The following MROH9 variants were observed in gnomAD, a reference collection of about 807,000 sequenced individuals.
MROH9 encodes maestro heat like repeat family member 9.
In MROH9, 92 loss-of-function variants were observed where a neutral mutation model predicts 98.2. The ratio of observed to expected loss-of-function variants is 0.94; its 90% CI spans 0.79 to 1.11. The LOEUF (loss-of-function observed/expected upper bound fraction) is 1.11, where lower values mean the gene tolerates loss of function less well. Ranked by LOEUF, MROH9 falls within the 50% of genes most tolerant of loss-of-function variation. MROH9 has a pLI of 0.00. For missense variants in MROH9, 1,057 were observed against 1,014.8 expected, an observed-to-expected ratio of 1.04 and a Z score of -0.57; for synonymous variants, 397 against 368.9, an observed-to-expected ratio of 1.08 and a Z score of -0.87.
At chr1:170,946,911 A>G (rs1205497952) in intron 2 of MROH9, among the ~76,000 whole-genome samples, 2 of 152,030 alleles carry the variant, frequency 1.3e-5, no homozygotes, top group African/African-American at 2.4e-5. Flanking sequence ...CTATGAAGTT[A>G]TAATTCAAAC....
chr1:170,978,300 C>T (rs1650794554), intron 8 of MROH9, among the ~76,000 whole-genome samples: 1 of 152,052 alleles, frequency 6.6e-6, no homozygotes, highest in Non-Finnish European at 1.5e-5. Context: ...CCCTCAGGCT[C>T]ATTTCTTCCC....
chr1:170,977,633 C>T (rs1650760366), intron 8 of MROH9, among the ~76,000 whole-genome samples: 2 of 152,122 alleles, frequency 1.3e-5, no homozygotes, highest in African/African-American at 2.4e-5. Context: ...CTTCTCAGTG[C>T]CCCGAAAGCA....
chr1:171,014,614 G>C (rs1257338762), intron 16 of MROH9, among the ~76,000 whole-genome samples: 1 of 152,060 alleles, frequency 6.6e-6, no homozygotes, highest in Non-Finnish European at 1.5e-5. Flanking sequence ...CAGAGCACTT[G>C]CTCAAGCTTT....
chr1:170,999,901 T>C (rs1288967145), intron 15 of MROH9, among the ~76,000 whole-genome samples: 2 of 152,164 alleles, frequency 1.3e-5, no homozygotes, highest in Non-Finnish European at 2.9e-5. Context: ...GGTATTGCAT[T>C]GTGGTTTTGA....
At chr1:171,052,463 GC>G (rs1337703828) in intron 20 of MROH9, among the ~76,000 whole-genome samples, 2 of 152,168 alleles carry the variant, frequency 1.3e-5, no homozygotes, top group Non-Finnish European at 2.9e-5. Context: ...GAAGGGAGAG[GC>G]AGCCTAAGCT....
chr1:171,015,148 C>T, intron 16 of MROH9: 1 of 441,952 alleles, frequency 2.3e-6, no homozygotes, highest in South Asian at 1.7e-5. Flanking sequence ...ATCTAATGAG[C>T]ATAGTCTCTG....
chr1:171,055,606 T>C (rs1571172874), intron 20 of MROH9, among the ~76,000 whole-genome samples: 1 of 124,400 alleles, frequency 8.0e-6, no homozygotes, highest in Non-Finnish European at 1.6e-5. Context: ...TGGGCAACAG[T>C]GTGAGACTTC....
rs184556644 is a variant in MROH9 at position 170,997,523 on chromosome 1, T to C, written c.1476-631T>C. On this transcript the variant is annotated intron_variant, in intron 14 of 21. Coordinates refer to ENST00000367759, the MANE Select transcript of MROH9 (RefSeq NM_001163629.2). The stretch of plus-strand genomic sequence containing the variant: ...TTTTAGCAATATCCCAAGGGTGATC[T>C]GTTTGCACGTTGCAGTTTGAGAAGC... Among the ~76,000 whole-genome samples, 160 of 152,288 alleles carry C rather than the reference T, an allele frequency of 1.1e-3. 1 individual carries two copies. The highest frequency in any genetic ancestry group is 3.7e-3 in the African/African-American group (152 of 41,560).
chr1:170,945,816 T>G (rs1649310308), intron 2 of MROH9, among the ~76,000 whole-genome samples: 1 of 151,982 alleles, frequency 6.6e-6, no homozygotes, highest in South Asian at 2.1e-4. Context: ...CTGATTACAA[T>G]GCAAAAAATT....
At chr1:170,947,012 G>A (rs1339099218) in intron 2 of MROH9, among the ~76,000 whole-genome samples, 2 of 151,856 alleles carry the variant, frequency 1.3e-5, no homozygotes, top group Non-Finnish European at 2.9e-5. Flanking sequence ...GGTAAATGAT[G>A]GTGGTAGTAA....
chr1:171,052,763 C>T (rs565864396), intron 20 of MROH9, among the ~76,000 whole-genome samples: 1 of 152,228 alleles, frequency 6.6e-6, no homozygotes, highest in East Asian at 1.9e-4. Context: ...AAAGAAAGTG[C>T]CACAGCACCA....
chr1:171,003,689 T>G (rs9426922), intron 15 of MROH9, among the ~76,000 whole-genome samples: 34,842 of 152,056 alleles, frequency 0.23, 4,642 homozygotes, highest in African/African-American at 0.37. Flanking sequence ...AGCTTTGGTG[T>G]TTTAATGCTC....
intron 20 of MROH9, among the ~76,000 whole-genome samples, chr1:171,042,866 C>A (rs1653351685): frequency 6.6e-6 from 1 of 151,998 alleles, no homozygotes; most frequent in Admixed American, 6.6e-5. Flanking sequence ...TGTTTGAACT[C>A]CTTATATATT....
chr1:171,031,372 A>G (rs546527952), intron 20 of MROH9, among the ~76,000 whole-genome samples: 2 of 152,286 alleles, frequency 1.3e-5, no homozygotes, highest in East Asian at 1.9e-4. Flanking sequence ...GTTTCTTCAT[A>G]GTGTCATTGG....
chr1:170,941,014 T>G (rs1336193646), intron 1 of MROH9, among the ~76,000 whole-genome samples: 1 of 152,186 alleles, frequency 6.6e-6, no homozygotes, highest in Non-Finnish European at 1.5e-5. Context: ...CAAATAACTC[T>G]GTAATAACCC....
chr1:170,938,353 T>G (rs2143383), intron 1 of MROH9, among the ~76,000 whole-genome samples: 28,962 of 152,158 alleles, frequency 0.19, 3,096 homozygotes, highest in East Asian at 0.4. Context: ...TTTCACCCCT[T>G]GATCCCTAGA....
At chr1:171,000,272 G>C (rs1474553487) in intron 15 of MROH9, among the ~76,000 whole-genome samples, 1 of 150,186 alleles carries the variant, frequency 6.7e-6, no homozygotes, top group East Asian at 1.9e-4. Flanking sequence ...CCAATGTCTA[G>C]AAGTTTTTTT....
At position 170,971,536 on chromosome 1, in the gene MROH9, C is replaced by A. The variant is rs1571462467; in HGVS notation, c.481-212C>A. Among the ~76,000 whole-genome samples the A allele has an allele frequency of 2.0e-5, 3 of 152,278 alleles. No individual in the cohort carries two copies. In the South Asian group the frequency reaches 6.2e-4, roughly 32 times the overall value. On this transcript the variant is annotated intron_variant, in intron 7 of 21. Coordinates refer to ENST00000367759, the MANE Select transcript of MROH9 (RefSeq NM_001163629.2). ...CATCAGTGTTACCCCTTACTCTCCA[C>A]AATAACTGTTACAAAGTGGAATTTA...
chr1:171,035,987 C>A (rs1449131241), intron 20 of MROH9, among the ~76,000 whole-genome samples: 2 of 152,094 alleles, frequency 1.3e-5, no homozygotes, highest in Non-Finnish European at 2.9e-5. Flanking sequence ...TAGTTATAAC[C>A]CAATCCTCCA....
Sources: gnomAD v4.1 joint callset for allele counts (sites outside exome capture counted in the v4.1 genomes callset) on GRCh38, gnomAD v4.1.1 for gene constraint, MANE v1.5 for transcripts, NCBI Gene and HGNC (gene_info 2026-07-23, HGNC 2026-07-21) for gene names.